Variants in PPP2R5E observed in about 807,000 individuals in gnomAD.
The protein encoded by PPP2R5E is protein phosphatase 2 regulatory subunit B'epsilon.
In PPP2R5E, 4 loss-of-function variants were observed where a neutral mutation model predicts 65.3. The ratio of observed to expected loss-of-function variants is 0.06; its 90% CI spans 0.03 to 0.14. The LOEUF (loss-of-function observed/expected upper bound fraction) is 0.14, where lower values mean the gene tolerates loss of function less well. PPP2R5E is among the 10% of genes least tolerant of loss of function. The pLI, the probability that PPP2R5E is intolerant of heterozygous loss-of-function variation, is 1.00. For missense variants in PPP2R5E, 274 were observed against 556.1 expected (o/e 0.49, Z 5.10); for synonymous variants, 183 against 187.4 (o/e 0.98, Z 0.19).
chr14:63,467,333 A>G (rs906971593), intron 2 of PPP2R5E, among the ~76,000 whole-genome samples: 2 of 152,156 alleles, frequency 1.3e-5, no homozygotes, highest in African/African-American at 2.4e-5. Context: ...CAGTCACTGA[A>G]ACCTAAAGAT....
At chr14:63,429,271 C>A (rs1887496613) in intron 3 of PPP2R5E, among the ~76,000 whole-genome samples, 1 of 152,178 alleles carries the variant, frequency 6.6e-6, no homozygotes. Context: ...TTCCCCCTTT[C>A]ATCTGTGAAA....
chr14:63,396,090 A>G (rs1594825981), intron 6 of PPP2R5E, among the ~76,000 whole-genome samples: 1 of 9,404 alleles, frequency 1.1e-4, no homozygotes, highest in Non-Finnish European at 1.9e-4. Context: ...AAAAGAGGAG[A>G]AGGGGGAGGG....
At chr14:63,458,318 T>A (rs985125136) in intron 2 of PPP2R5E, among the ~76,000 whole-genome samples, 1 of 152,202 alleles carries the variant, frequency 6.6e-6, no homozygotes, top group African/African-American at 2.4e-5. Flanking sequence ...CTAGTCCACT[T>A]CCATCATTCC....
At chr14:63,480,216 G>A (rs1890625008) in intron 2 of PPP2R5E, among the ~76,000 whole-genome samples, 1 of 152,046 alleles carries the variant, frequency 6.6e-6, no homozygotes, top group Non-Finnish European at 1.5e-5. Context: ...CCAGCACTTT[G>A]GGAGGCCAAG....
intron 5 of PPP2R5E, among the ~76,000 whole-genome samples, chr14:63,398,837 T>C (rs888681038): frequency 7.2e-5 from 11 of 152,056 alleles, no homozygotes; most frequent in African/African-American, 2.4e-4. Context: ...GAGATACTCA[T>C]TGGATGGCTA....
chr14:63,539,869 T>A (rs1566771157), intron 1 of PPP2R5E, among the ~76,000 whole-genome samples, 177 bp from the exon 2 acceptor site: 1 of 152,210 alleles, frequency 6.6e-6, no homozygotes, highest in Non-Finnish European at 1.5e-5. Context: ...CTCACGCCTG[T>A]AATCCCAGCA....
chr14:63,522,894 G>T (rs532117200), intron 2 of PPP2R5E, among the ~76,000 whole-genome samples: 2,030 of 144,808 alleles, frequency 0.014, 62 homozygotes, highest in African/African-American at 0.048. Context: ...CAGCCGCCCC[G>T]TCCGGGAGGG....
chr14:63,489,685 G>C (rs1891192112), intron 2 of PPP2R5E, among the ~76,000 whole-genome samples: 1 of 152,028 alleles, frequency 6.6e-6, no homozygotes, highest in East Asian at 1.9e-4. Context: ...AGGAATTACA[G>C]GCATGAGCTG....
Position 63,391,985 on chromosome 14 carries a change from G to A in PPP2R5E, c.890C>T (p.Ser297Leu). 2.5e-6 allele frequency: 4 copies of A among 1,611,072 alleles called. No individual in the cohort carries two copies. Among genetic ancestry groups the A allele is most frequent in the Non-Finnish European group, 3.4e-6 (4 of 1,178,910 alleles). ...CIVQFLEKDP[S>L]LTEPVIRGLM... ...AAAAAGACTTACTGGTTCTGTGAGTGAAGGATCTTTCTCCAGAAACTGTAC... is the reference window on the plus strand; with the variant it reads ...AAAAAGACTTACTGGTTCTGTGAGTAAAGGATCTTTCTCCAGAAACTGTAC... Residue 297 changes from serine to leucine, a missense_variant, in exon 9 of 14, where the codon TCA becomes TTA. Transcript: ENST00000337537.
intron 2 of PPP2R5E, among the ~76,000 whole-genome samples, chr14:63,529,906 G>T (rs1346481954): frequency 1.3e-5 from 2 of 152,156 alleles, no homozygotes; most frequent in Non-Finnish European, 2.9e-5. Context: ...GATGAATGCT[G>T]TTTATGGCTT....
At chr14:63,470,867 T>C (rs1890094601) in intron 2 of PPP2R5E, among the ~76,000 whole-genome samples, 1 of 151,088 alleles carries the variant, frequency 6.6e-6, no homozygotes, top group African/African-American at 2.4e-5. Context: ...AATAAAAAGA[T>C]AAAATGTCTA....
chr14:63,409,648 A>T (rs1886288257), intron 5 of PPP2R5E, among the ~76,000 whole-genome samples: 1 of 152,200 alleles, frequency 6.6e-6, no homozygotes, highest in Admixed American at 6.5e-5. Context: ...AAAAAACGAC[A>T]CTGAGGCTCC....
chr14:63,453,523 T>C (rs997453368), intron 3 of PPP2R5E, 166 bp downstream of exon 3: 3 of 517,654 alleles, frequency 5.8e-6, no homozygotes, highest in East Asian at 3.3e-5. Context: ...CATGAAATCA[T>C]GCTCTTCAAA....
intron 2 of PPP2R5E, among the ~76,000 whole-genome samples, chr14:63,536,694 A>G (rs1292672045): frequency 6.6e-6 from 1 of 152,246 alleles, no homozygotes; most frequent in Non-Finnish European, 1.5e-5. Flanking sequence ...CAGCCTTAAA[A>G]AAGAATGAAA....
At chr14:63,490,303 T>C (rs1187058454) in intron 2 of PPP2R5E, among the ~76,000 whole-genome samples, 1 of 152,066 alleles carries the variant, frequency 6.6e-6, no homozygotes, top group Non-Finnish European at 1.5e-5. Context: ...AGGACTTAAA[T>C]GTAAGATCTC....
At chr14:63,426,847 T>C (rs1380116063) in intron 3 of PPP2R5E, among the ~76,000 whole-genome samples, 1 of 152,124 alleles carries the variant, frequency 6.6e-6, no homozygotes, top group East Asian at 1.9e-4. Context: ...AGGTCATCCA[T>C]GGATGGGCTT....
chr14:63,465,406 G>C (rs1292122109), intron 2 of PPP2R5E, among the ~76,000 whole-genome samples: 3 of 139,218 alleles, frequency 2.2e-5, no homozygotes, highest in Non-Finnish European at 4.5e-5. Context: ...TGGAGTCCAA[G>C]AGTTCGAGAC....
intron 2 of PPP2R5E, among the ~76,000 whole-genome samples, chr14:63,494,235 T>C (rs911628560): frequency 3.3e-5 from 5 of 152,056 alleles, no homozygotes; most frequent in African/African-American, 4.8e-5. Context: ...CCGCCATTTA[T>C]TTATTTATTT....
At chr14:63,533,761 A>G (rs1428168005) in intron 2 of PPP2R5E, among the ~76,000 whole-genome samples, 2 of 152,322 alleles carry the variant, frequency 1.3e-5, no homozygotes, top group Non-Finnish European at 2.9e-5. Context: ...CCTGGCCAAC[A>G]TGGAGAAACC....
Sources: gnomAD v4.1 joint callset for allele counts (sites outside exome capture counted in the v4.1 genomes callset) on GRCh38, gnomAD v4.1.1 for gene constraint, MANE v1.5 for transcripts, NCBI Gene and HGNC (gene_info 2026-07-23, HGNC 2026-07-21) for gene names.